SVEP1: variants seen among roughly 807,000 people sequenced by gnomAD.
SVEP1 encodes sushi, von Willebrand factor type A, EGF and pentraxin domain containing 1, also known as sushi, von Willebrand factor type A, EGF and pentraxin domain-containing protein 1.
In SVEP1, 164 loss-of-function variants were observed where a neutral mutation model predicts 367.3. That is an observed-to-expected ratio of 0.45 (90% CI 0.39 to 0.51). The LOEUF (loss-of-function observed/expected upper bound fraction) is 0.51. SVEP1 is among the 20% of genes least tolerant of loss of function. The pLI is 0.00. For synonymous variants in SVEP1, 1,666 were observed against 1,611.6 expected, an observed-to-expected ratio of 1.03 and a Z score of -0.81; for missense variants, 4,117 against 4,425.3, an observed-to-expected ratio of 0.93 and a Z score of 1.98.
chr9:110,571,369 G>A (rs1229622193), intron 1 of SVEP1, among the ~76,000 whole-genome samples: 1 of 152,202 alleles, frequency 6.6e-6, no homozygotes, highest in African/African-American at 2.4e-5. Context: ...CTATGTGGAA[G>A]TACTGTGTGG....
chr9:110,478,557 G>A (rs1829135315), intron 13 of SVEP1, among the ~76,000 whole-genome samples: 2 of 152,188 alleles, frequency 1.3e-5, no homozygotes, highest in Admixed American at 6.5e-5. Context: ...ACTTTGGGGT[G>A]GAGTATAATT....
At chr9:110,428,922 T>C (rs1055744579) in intron 35 of SVEP1, among the ~76,000 whole-genome samples, 5 of 152,068 alleles carry the variant, frequency 3.3e-5, no homozygotes, top group Admixed American at 2.0e-4. Flanking sequence ...ATACAAAAAT[T>C]AGCTGGGCAT....
At chr9:110,429,471 T>C (rs969294902) in intron 34 of SVEP1, 137 bp from the exon 35 acceptor site, 8 of 612,640 alleles carry the variant, frequency 1.3e-5, no homozygotes, top group Middle Eastern at 4.1e-4. Flanking sequence ...GAAATAATGC[T>C]TTTAAATTAA....
At chr9:110,415,728 C>T (rs542082244) in intron 36 of SVEP1, among the ~76,000 whole-genome samples, 8 of 151,960 alleles carry the variant, frequency 5.3e-5, no homozygotes, top group African/African-American at 1.5e-4. Flanking sequence ...TAATACTTGA[C>T]GAATTACAAC....
At position 110,406,277 on chromosome 9, in the gene SVEP1, C is replaced by T. The variant is rs1293793024; in HGVS notation, c.9323G>A (p.Gly3108Glu). ...GSSDLICTEK[G>E]VWSQPYPVCE... ...GACTGGATAAGGCTGGCTCCATACC[C>T]CTTTCTCTGTACAAATCAGATCTGA... is the stretch of plus-strand genomic sequence containing the variant. Residue 3108 changes from glycine (G) to glutamate (E), a missense_variant, in exon 38 of 48, where the codon GGG (glycine) becomes GAG (glutamate). Physicochemically the swap from Gly to Glu is moderately conservative, Grantham distance 98. Coordinates refer to ENST00000374469, the MANE Select transcript of SVEP1 (RefSeq NM_153366.4). The T allele has an allele frequency of 6.2e-7, 1 of 1,614,036 alleles. No individual in the cohort carries two copies. Among genetic ancestry groups the T allele is most frequent in the Non-Finnish European group, 8.5e-7 (1 of 1,179,898 alleles).
At chr9:110,462,307 T>C (rs899512584) in intron 18 of SVEP1, among the ~76,000 whole-genome samples, 2 of 152,230 alleles carry the variant, frequency 1.3e-5, no homozygotes, top group African/African-American at 2.4e-5. Context: ...CAACTCATCA[T>C]TGTAATGTCT....
In SVEP1 at chr9:110,411,705, TTCAATGGTG is replaced by T. The variant is rs1174551845; in HGVS notation, c.5997_6005del (p.Asp1999_Ile2001del). ...TACTCCACTTGCCGTCGGCCAGGCATTCAATGGTGTCAAGACCAGCAAGAGTATAGCTGT... is the reference window on the plus strand; with the variant it reads ...TACTCCACTTGCCGTCGGCCAGGCATTCAAGACCAGCAAGAGTATAGCTGT... On this transcript the variant is annotated inframe_deletion, in exon 37 of 48. Coordinates refer to ENST00000374469, the MANE Select transcript of SVEP1 (RefSeq NM_153366.4). 3 of 1,589,886 alleles carry T rather than the reference TTCAATGGTG, an allele frequency of 1.9e-6. No individual in the cohort carries two copies. Among genetic ancestry groups the T allele is most frequent in the Non-Finnish European group, 2.6e-6 (3 of 1,168,184 alleles).
At chr9:110,466,278 C>T (rs546351093) in intron 17 of SVEP1, among the ~76,000 whole-genome samples, 2 of 152,172 alleles carry the variant, frequency 1.3e-5, no homozygotes, top group African/African-American at 4.8e-5. Flanking sequence ...AGAACACGTT[C>T]AATAAATAGT....
chr9:110,403,740 A>G (rs1827907088), intron 39 of SVEP1, among the ~76,000 whole-genome samples: 1 of 152,132 alleles, frequency 6.6e-6, no homozygotes, highest in Admixed American at 6.5e-5. Context: ...GCCATGGGTT[A>G]TGCCCAATAT....
In SVEP1 at chr9:110,408,427, G is replaced by A. The variant is rs774410438; in HGVS notation, c.7173C>T (p.Val2391=). Residue 2391 remains valine (V), a synonymous_variant, in exon 38 of 48, where the codon GTC becomes GTT. Transcript: ENST00000374469. ...AATGAAGAGCAGAAGAAGGAATGGGGACACCAAAGGAAATTAGGGGAGGTG... is the reference window on the plus strand; with the variant it reads ...AATGAAGAGCAGAAGAAGGAATGGGAACACCAAAGGAAATTAGGGGAGGTG... The part of the protein sequence containing the change: ...CTPPPLISFG[V]PIPSSALHFG... 17 of 1,613,818 alleles carry A rather than the reference G, an allele frequency of 1.1e-5. No individual in the cohort carries two copies. The Admixed American group carries it at 2.7e-4, about 25-fold the overall frequency.
At position 110,513,906 on chromosome 9, in the gene SVEP1, T is replaced by C. The variant is rs774640896; in HGVS notation, c.1123+42A>G. Reference sequence around the variant, plus strand: ...ACAAGCACTATTTCTCTCAGAGAAATCAGCTTTTATATTTCCCATTTTCCA... The same window carrying C: ...ACAAGCACTATTTCTCTCAGAGAAACCAGCTTTTATATTTCCCATTTTCCA... On this transcript the variant is annotated intron_variant, in intron 4 of 47. Coordinates refer to ENST00000374469, the MANE Select transcript of SVEP1 (RefSeq NM_153366.4). 1.5e-5 allele frequency: 24 copies of C among 1,577,430 alleles called. No individual in the cohort carries two copies. The Admixed American group carries it at 1.8e-4, about 12-fold the overall frequency.
chr9:110,500,718 A>AT (rs567420472), intron 6 of SVEP1, among the ~76,000 whole-genome samples: 67 of 152,082 alleles, frequency 4.4e-4, no homozygotes, highest in African/African-American at 1.2e-3. Context: ...AGTTAAATAA[A>AT]TTTTTTTTCC....
chr9:110,492,214 A>G (rs1194691494), intron 8 of SVEP1, among the ~76,000 whole-genome samples: 1 of 152,162 alleles, frequency 6.6e-6, no homozygotes, highest in Non-Finnish European at 1.5e-5. Flanking sequence ...GGTGTGAAGA[A>G]CTGTCAGCAA....
chr9:110,370,671 T>C (rs1452038581), intron 46 of SVEP1, among the ~76,000 whole-genome samples: 2 of 152,208 alleles, frequency 1.3e-5, no homozygotes, highest in African/African-American at 4.8e-5. Flanking sequence ...TAGGTGTTTT[T>C]CTCACAAATC....
chr9:110,487,545 C>G (rs989186995), intron 9 of SVEP1, among the ~76,000 whole-genome samples: 5 of 152,112 alleles, frequency 3.3e-5, no homozygotes, highest in Non-Finnish European at 5.9e-5. Context: ...TTTACCAAAA[C>G]CTGTAATGTA....
At chr9:110,459,947 A>C (rs1931312) in intron 18 of SVEP1, among the ~76,000 whole-genome samples, 130,744 of 151,980 alleles carry the variant, frequency 0.86, 56,398 homozygotes, top group East Asian at 0.99. Context: ...AATATGAATC[A>C]TTTGACACAC....
chr9:110,375,465 TAAAAAAAAAAAAAA>T lies in SVEP1; in HGVS notation c.10505-16_10505-3del. 12 of 555,378 alleles carry T rather than the reference TAAAAAAAAAAAAAA, an allele frequency of 2.2e-5. No individual in the cohort carries two copies. The highest frequency in any genetic ancestry group is 2.9e-5 in the Non-Finnish European group (11 of 373,732). 34.4% of individuals were successfully genotyped at this position (555,378 alleles called of 1,614,324 possible). A position where few individuals can be genotyped will look rare whatever the true frequency, so the allele number is the denominator to read the frequency against. On this transcript the variant is annotated splice_region_variant and splice_polypyrimidine_tract_variant and intron_variant, in intron 45 of 47. Transcript: ENST00000374469. ...TCAGACAGGGAAGAATGCAGATTGC[TAAAAAAAAAAAAAA>T]AAAAAAAAAAAGGAGGCAGGGGGGA...
intron 40 of SVEP1, among the ~76,000 whole-genome samples, chr9:110,400,024 G>T (rs1887457): frequency 0.19 from 29,400 of 152,088 alleles, 2,986 homozygotes; most frequent in Middle Eastern, 0.33. Flanking sequence ...GCTGCGGAAG[G>T]GATTTTAATA....
chr9:110,500,764 T>G (rs1412785270), intron 6 of SVEP1, among the ~76,000 whole-genome samples: 1 of 152,132 alleles, frequency 6.6e-6, no homozygotes, highest in Non-Finnish European at 1.5e-5. Context: ...AATTGTAATC[T>G]GTATGGCAAT....
Sources: gnomAD v4.1 joint callset for allele counts (sites outside exome capture counted in the v4.1 genomes callset) on GRCh38, gnomAD v4.1.1 for gene constraint, MANE v1.5 for transcripts, NCBI Gene and HGNC (gene_info 2026-07-23, HGNC 2026-07-21) for gene names.